Variants in EMC2 observed in about 807,000 individuals in gnomAD.
EMC2 encodes the protein ER membrane protein complex subunit 2.
Under a neutral mutation model 51.6 loss-of-function variants are expected in EMC2, and 37 were observed. That is an observed-to-expected ratio of 0.72 (90% CI 0.55 to 0.94). The LOEUF (loss-of-function observed/expected upper bound fraction) is 0.94. Among genes scored for constraint, EMC2 ranks in the 40% least tolerant of loss-of-function variants. EMC2 has a pLI of 0.00. For missense variants in EMC2, 359 were observed against 350.9 expected (o/e 1.02, Z -0.18); for synonymous variants, 131 against 112.4 (o/e 1.17, Z -1.04).
At chr8:108,477,820 T>G (rs901229555) in intron 9 of EMC2, among the ~76,000 whole-genome samples, 2 of 152,092 alleles carry the variant, frequency 1.3e-5, no homozygotes, top group Non-Finnish European at 1.5e-5. Flanking sequence ...CTTCATGTGC[T>G]GGGCATTGTT....
intron 1 of EMC2, chr8:108,446,109 A>C (rs1818872574): frequency 5.9e-6 from 1 of 170,240 alleles, no homozygotes; most frequent in Admixed American, 5.9e-5. Context: ...TTATACTCTA[A>C]GCATTATGAG....
At chr8:108,485,480 T>TATATATAATATATATAGGTAAC (rs1161638410) in intron 10 of EMC2, among the ~76,000 whole-genome samples, 6 of 144,626 alleles carry the variant, frequency 4.1e-5, no homozygotes, top group Non-Finnish European at 7.5e-5. Flanking sequence ...ATAGGTAACA[T>TATATATAATATATATAGGTAAC]ATATATATAA....
chr8:108,465,036 C>T (rs188551048), intron 5 of EMC2, among the ~76,000 whole-genome samples: 1 of 152,112 alleles, frequency 6.6e-6, no homozygotes, highest in African/African-American at 2.4e-5. Context: ...GGCCTTAATC[C>T]TTTAATCCTT....
intron 5 of EMC2, among the ~76,000 whole-genome samples, chr8:108,461,108 CT>C (rs967113626): frequency 1.3e-5 from 2 of 151,784 alleles, no homozygotes; most frequent in Non-Finnish European, 2.9e-5. Flanking sequence ...ATCGCCGTTT[CT>C]TTTTCCAAAG....
chr8:108,468,462 A>AT (rs1280452195), intron 5 of EMC2, among the ~76,000 whole-genome samples: 1 of 151,524 alleles, frequency 6.6e-6, no homozygotes, highest in Non-Finnish European at 1.5e-5. Context: ...TTTATTTTTT[A>AT]TTTTTTTTAC....
Position 108,455,916 on chromosome 8 carries a change from G to T in EMC2, c.349G>T (p.Asp117Tyr). The T allele has an allele frequency of 7.3e-7, 1 of 1,379,300 alleles. No homozygotes were observed. 85.4% of individuals were successfully genotyped at this position (1,379,300 alleles called of 1,614,324 possible). A position where few individuals can be genotyped will look rare whatever the true frequency, so the allele number is the denominator to read the frequency against. Reference protein sequence around the residue: ...IQLYDRILQEDPTNTAARKRK... With the variant: ...IQLYDRILQEYPTNTAARKRK... Reference sequence around the variant, plus strand: ...GCTATATGATAGGATTTTACAAGAAGATCCAACTAACACTGTAAGTTGGCA... The same window carrying T: ...GCTATATGATAGGATTTTACAAGAATATCCAACTAACACTGTAAGTTGGCA... The change falls in exon 5 of 11, where the codon GAT becomes TAT. Residue 117 changes from aspartate (D) to tyrosine (Y), a missense_variant. By Grantham distance (160) the Asp-to-Tyr change is radical. Transcript: ENST00000220853.
At chr8:108,466,879 T>C (rs1810726164) in intron 5 of EMC2, among the ~76,000 whole-genome samples, 1 of 152,000 alleles carries the variant, frequency 6.6e-6, no homozygotes, top group Non-Finnish European at 1.5e-5. Flanking sequence ...TTGTGTGGCT[T>C]TTGGGAGATA....
intron 5 of EMC2, 37 bp downstream of exon 5, chr8:108,455,967 T>G (rs1054043112): frequency 1.5e-5 from 15 of 971,010 alleles, no homozygotes; most frequent in Non-Finnish European, 2.2e-5. Flanking sequence ...AATCTAAAGT[T>G]TAATTTAAAA....
intron 10 of EMC2, among the ~76,000 whole-genome samples, chr8:108,485,745 T>C (rs1389323742): frequency 6.6e-6 from 1 of 151,176 alleles, no homozygotes; most frequent in Non-Finnish European, 1.5e-5. Flanking sequence ...ATGTGTATGA[T>C]ATTGAATTTA....
chr8:108,462,244 G>A (rs571903407), intron 5 of EMC2, among the ~76,000 whole-genome samples: 1 of 45,376 alleles, frequency 2.2e-5, no homozygotes, highest in Admixed American at 1.9e-4. Context: ...CCTCTGACAG[G>A]GAGAATGGTT....
At chr8:108,461,396 G>A (rs1020111906) in intron 5 of EMC2, among the ~76,000 whole-genome samples, 2 of 152,174 alleles carry the variant, frequency 1.3e-5, no homozygotes, top group African/African-American at 4.8e-5. Context: ...TGTGCTTCTA[G>A]TGAGGTAGCA....
chr8:108,449,100 A>G (rs137858223), intron 1 of EMC2, among the ~76,000 whole-genome samples: 1 of 152,228 alleles, frequency 6.6e-6, no homozygotes, highest in African/African-American at 2.4e-5. Flanking sequence ...ACTTTGTTAT[A>G]TGCCTGTTGA....
chr8:108,478,541 T>G (rs1353687409), intron 9 of EMC2, among the ~76,000 whole-genome samples: 1 of 152,168 alleles, frequency 6.6e-6, no homozygotes, highest in East Asian at 1.9e-4. Flanking sequence ...AACCTATTAA[T>G]GTAGGATGTC....
chr8:108,481,661 C>G (rs1358032735), intron 10 of EMC2, among the ~76,000 whole-genome samples: 1 of 151,968 alleles, frequency 6.6e-6, no homozygotes, highest in African/African-American at 2.4e-5. Context: ...CTTTCAGTGA[C>G]TAATATAAGG....
At chr8:108,477,317 G>C (rs1346176307) in intron 9 of EMC2, among the ~76,000 whole-genome samples, 1 of 151,792 alleles carries the variant, frequency 6.6e-6, no homozygotes, top group Non-Finnish European at 1.5e-5. Context: ...CATTTTTTAT[G>C]GTGTAGAAAA....
intron 5 of EMC2, among the ~76,000 whole-genome samples, chr8:108,462,742 G>T (rs1012454090): frequency 8.7e-5 from 13 of 149,076 alleles, no homozygotes; most frequent in Admixed American, 8.0e-4. Flanking sequence ...TTTTAATATT[G>T]TTTTTTTTTT....
At chr8:108,461,150 A>G (rs1819309953) in intron 5 of EMC2, among the ~76,000 whole-genome samples, 1 of 152,218 alleles carries the variant, frequency 6.6e-6, no homozygotes, top group South Asian at 2.1e-4. Flanking sequence ...GGGAAAGTCT[A>G]GTTTTATTCT....
chr8:108,457,281 T>A (rs1397307295), intron 5 of EMC2, among the ~76,000 whole-genome samples: 1 of 152,054 alleles, frequency 6.6e-6, no homozygotes, highest in Non-Finnish European at 1.5e-5. Context: ...TTTTTGTTTT[T>A]CTTTTTGAGT....
chr8:108,473,219 A>G (rs563414064), intron 7 of EMC2, among the ~76,000 whole-genome samples: 14 of 151,986 alleles, frequency 9.2e-5, no homozygotes, highest in South Asian at 2.1e-4. Flanking sequence ...ATATTGAGAC[A>G]CTTGTTCTAA....
Sources: gnomAD v4.1 joint callset for allele counts (sites outside exome capture counted in the v4.1 genomes callset) on GRCh38, gnomAD v4.1.1 for gene constraint, MANE v1.5 for transcripts, NCBI Gene and HGNC (gene_info 2026-07-23, HGNC 2026-07-21) for gene names.